Variants in SZRD1 observed in about 807,000 individuals in gnomAD.
SZRD1 encodes the protein SUZ RNA binding domain containing 1, also known as SUZ RNA-binding domain-containing.
In SZRD1, 7 loss-of-function variants were observed where a neutral mutation model predicts 17.6. The observed-to-expected ratio is 0.40, with a 90% CI of 0.23 to 0.75. SZRD1 has a LOEUF of 0.75. SZRD1 is among the 30% of genes least tolerant of loss of function. The pLI, the probability that SZRD1 is intolerant of heterozygous loss-of-function variation, is 0.38. For missense variants in SZRD1, 178 were observed against 201.8 expected (o/e 0.88, Z 0.71); for synonymous variants, 77 against 77.9 (o/e 0.99, Z 0.06).
intron 1 of SZRD1, 99 bp downstream of exon 1, chr1:16,367,407 GC>G (rs2082838608): frequency 8.4e-7 from 1 of 1,190,474 alleles, no homozygotes; most frequent in Non-Finnish European, 1.2e-6. Context: ...CCAAGGAAGG[GC>G]CCCATACGCC....
chr1:16,391,338 ATTTTTTCCTCTTTTTATATACAT>A lies in SZRD1; in HGVS notation c.52-25_52-3del. 1 of 1,451,346 alleles carries A rather than the reference ATTTTTTCCTCTTTTTATATACAT, an allele frequency of 6.9e-7. No homozygotes were observed. Among genetic ancestry groups the A allele is most frequent in the African/African-American group, 1.4e-5 (1 of 70,692 alleles). 89.9% of individuals were successfully genotyped at this position (1,451,346 alleles called of 1,614,324 possible). ...AAGACTAAGTTTTTATTTGAGAGAG[ATTTTTTCCTCTTTTTATATACAT>A]TTTTTTCCTCTAGGAAATAGACAGA... is the stretch of plus-strand genomic sequence containing the variant. On this transcript the variant is annotated splice_polypyrimidine_tract_variant and intron_variant, in intron 1 of 3. Transcript: ENST00000401088. This position sits in a 1 kb window ranked among gnomAD's most constrained non-coding sequence, Gnocchi z 4.3.
intron 1 of SZRD1, among the ~76,000 whole-genome samples, chr1:16,374,253 G>T (rs548611370): frequency 6.6e-6 from 1 of 152,304 alleles, no homozygotes; most frequent in South Asian, 2.1e-4. Flanking sequence ...GAAAGGTTGA[G>T]CCTTATGGAC....
chr1:16,390,362 C>A (rs1035440418), intron 1 of SZRD1, among the ~76,000 whole-genome samples: 2 of 152,188 alleles, frequency 1.3e-5, no homozygotes, highest in African/African-American at 4.8e-5. Flanking sequence ...AGCCCAATGT[C>A]CTGCTCAGGG....
rs1023710871 is a variant in SZRD1, at chr1:16,397,231, C to T, written c.*2091C>T. ...TGAGGATGTGGCAGGGACTGGTCCT[C>T]CCACCTCCCTCTGGCCAAAGATGGG... is the stretch of plus-strand genomic sequence containing the variant. On this transcript the variant is annotated 3_prime_UTR_variant, in exon 4 of 4. Transcript: ENST00000401088. This position sits in a 1 kb window ranked among gnomAD's most constrained non-coding sequence, Gnocchi z 5.4. The T allele has an allele frequency of 1.3e-5, 2 of 152,274 alleles. No homozygotes were observed. Among genetic ancestry groups the T allele is most frequent in the Non-Finnish European group, 2.9e-5 (2 of 68,072 alleles). The allele number at this position is 152,274 out of a possible 1,614,324, so 9.4% of individuals were successfully genotyped here. A position where few individuals can be genotyped will look rare whatever the true frequency, so the allele number is the denominator to read the frequency against.
chr1:16,386,708 T>C lies in SZRD1; in HGVS notation c.52-4667T>C, dbSNP rs577593489. On this transcript the variant is annotated intron_variant, in intron 1 of 3. Transcript: ENST00000401088. ...ATCTAAAGATGACCAGGATCCACTT[T>C]CCACCAAAGCTGCTTGGGTTTCCAT... Among the ~76,000 whole-genome samples, 5 of 152,210 alleles carry C rather than the reference T, an allele frequency of 3.3e-5. No homozygotes were observed. The East Asian group carries it at 9.7e-4, about 29-fold the overall frequency.
chr1:16,390,336 G>A (rs1179413101), intron 1 of SZRD1, among the ~76,000 whole-genome samples: 6 of 152,194 alleles, frequency 3.9e-5, no homozygotes, highest in Non-Finnish European at 8.8e-5. Flanking sequence ...ATGGGCTGAG[G>A]GCTCAGACTG....
rs145435669 is a variant in SZRD1, at chr1:16,377,711, C to T, written c.51+10403C>T. The stretch of plus-strand genomic sequence containing the variant: ...AAATCACTACCTACCCTTCTGTCCA[C>T]ATCAATCTCTTAATTTGTAAAACTG... On this transcript the variant is annotated intron_variant, in intron 1 of 3. Coordinates refer to ENST00000401088, the MANE Select transcript of SZRD1 (RefSeq NM_001114600.3). Among the ~76,000 whole-genome samples, 78 of 152,296 alleles carry T rather than the reference C, an allele frequency of 5.1e-4. 1 individual carries two copies. Among genetic ancestry groups the T allele is most frequent in the African/African-American group, 1.9e-3 (78 of 41,562 alleles).
In SZRD1 at chr1:16,393,824, G is replaced by A. The variant is rs2085257791; in HGVS notation, c.356+342G>A. ...TCTTTAGAACGACTTGACCTCTCTG[G>A]GCCTTAGTTTTCTCATCTGAAAAAA... is the stretch of plus-strand genomic sequence containing the variant. On this transcript the variant is annotated intron_variant, in intron 3 of 3. Transcript: ENST00000401088. This position sits in a 1 kb window ranked among gnomAD's most constrained non-coding sequence, Gnocchi z 5.6. 6.6e-6 allele frequency among the ~76,000 whole-genome samples: 1 copy of A among 152,088 alleles called. No individual in the cohort carries two copies. The highest frequency in any genetic ancestry group is 1.5e-5 in the Non-Finnish European group (1 of 68,024).
At chr1:16,379,882 T>A (rs1030369848) in intron 1 of SZRD1, among the ~76,000 whole-genome samples, 5 of 149,802 alleles carry the variant, frequency 3.3e-5, no homozygotes, top group African/African-American at 1.2e-4. Context: ...TGCCTCAGCC[T>A]CCCAAGTAGG....
rs895530307 is a variant in SZRD1, at chr1:16,391,138, C to T, written c.52-237C>T. ...AACTGGTTGGAGGCTATGCAAAGAA[C>T]CCAGCTGAACAATGAGGTTTAGAAC... is the stretch of plus-strand genomic sequence containing the variant. On this transcript the variant is annotated intron_variant, in intron 1 of 3. Coordinates refer to ENST00000401088, the MANE Select transcript of SZRD1 (RefSeq NM_001114600.3). This position sits in a 1 kb window ranked among gnomAD's most constrained non-coding sequence, Gnocchi z 4.3. Among the ~76,000 whole-genome samples, 1 of 152,044 alleles carries T rather than the reference C, an allele frequency of 6.6e-6. No homozygotes were observed. Among genetic ancestry groups the T allele is most frequent in the Non-Finnish European group, 1.5e-5 (1 of 68,018 alleles).
At chr1:16,368,285 A>G (rs562041935) in intron 1 of SZRD1, among the ~76,000 whole-genome samples, 1 of 152,050 alleles carries the variant, frequency 6.6e-6, no homozygotes, top group South Asian at 2.1e-4. Flanking sequence ...TTAAAGGTTT[A>G]CGTGTGCGAG....
chr1:16,392,704 T>C (rs541050213), intron 2 of SZRD1, among the ~76,000 whole-genome samples: 2 of 152,138 alleles, frequency 1.3e-5, no homozygotes, highest in African/African-American at 4.8e-5. Context: ...GCTTGGTAAA[T>C]CTTGATGCCA....
At chr1:16,382,501 T>TTG (rs201014005) in intron 1 of SZRD1, among the ~76,000 whole-genome samples, 3,063 of 148,208 alleles carry the variant, frequency 0.021, 112 homozygotes, top group African/African-American at 0.072. Flanking sequence ...TGGTTTTTTT[T>TTG]TTTGTTTTTT....
chr1:16,369,676 G>A (rs2082878407), intron 1 of SZRD1: 1 of 514,332 alleles, frequency 1.9e-6, no homozygotes, highest in East Asian at 3.3e-5. Flanking sequence ...ATAACCTGAG[G>A]TTAGGAGTTC....
rs2085243210 is a variant in SZRD1, at chr1:16,393,025, C to T, written c.102-203C>T. 6.6e-6 allele frequency among the ~76,000 whole-genome samples: 1 copy of T among 152,134 alleles called. No individual in the cohort carries two copies. The highest frequency in any genetic ancestry group is 1.5e-5 in the Non-Finnish European group (1 of 68,022). On this transcript the variant is annotated intron_variant, in intron 2 of 3. Transcript: ENST00000401088. This position sits in a 1 kb window ranked among gnomAD's most constrained non-coding sequence, Gnocchi z 5.6. ...TAGGGCTGAGGAGCAGTTCCTGTGG[C>T]CTGTCAGAGCTGGTCGCAAGCTTAC... is the stretch of plus-strand genomic sequence containing the variant.
intron 1 of SZRD1, among the ~76,000 whole-genome samples, chr1:16,379,470 C>A (rs1184681693): frequency 1.3e-5 from 2 of 152,228 alleles, no homozygotes; most frequent in East Asian, 1.9e-4. Flanking sequence ...CACTTAACTT[C>A]CGGGTATGCA....
At chr1:16,375,604 C>T (rs911584564) in intron 1 of SZRD1, among the ~76,000 whole-genome samples, 1 of 152,138 alleles carries the variant, frequency 6.6e-6, no homozygotes, top group Non-Finnish European at 1.5e-5. Context: ...TGAGCCACCG[C>T]GCCCGGTCCG....
intron 1 of SZRD1, among the ~76,000 whole-genome samples, chr1:16,372,059 C>T (rs530183287): frequency 6.6e-6 from 1 of 152,092 alleles, no homozygotes; most frequent in Non-Finnish European, 1.5e-5. Context: ...TGAGAAGTCC[C>T]TCACATATTC....
chr1:16,382,810 A>G (rs945143007), intron 1 of SZRD1, among the ~76,000 whole-genome samples: 6 of 151,712 alleles, frequency 4.0e-5, no homozygotes, highest in African/African-American at 1.2e-4. Context: ...CCCATCTTCT[A>G]AGGTTAGACT....
Sources: gnomAD v4.1 joint callset for allele counts (sites outside exome capture counted in the v4.1 genomes callset) on GRCh38, gnomAD v4.1.1 for gene constraint, Gnocchi (gnomAD v3.1) non-coding constraint, MANE v1.5 for transcripts, NCBI Gene and HGNC (gene_info 2026-07-23, HGNC 2026-07-21) for gene names.